SGMS2: variants seen among roughly 807,000 people sequenced by gnomAD.
The protein encoded by SGMS2 is phosphatidylcholine:ceramide cholinephosphotransferase 2.
In SGMS2, 21 loss-of-function variants were observed where a neutral mutation model predicts 43.8. The ratio of observed to expected loss-of-function variants is 0.48; its 90% CI spans 0.34 to 0.69. The LOEUF (loss-of-function observed/expected upper bound fraction) is 0.69, where lower values mean the gene tolerates loss of function less well. Ranked by LOEUF, SGMS2 falls within the 30% of genes least tolerant of loss-of-function variation. The pLI is 0.01. For synonymous variants in SGMS2, 167 were observed against 160.6 expected, an observed-to-expected ratio of 1.04 and a Z score of -0.30; for missense variants, 384 against 443.2, an observed-to-expected ratio of 0.87 and a Z score of 1.20.
chr4:107,879,519 T>G (rs1369950054), intron 2 of SGMS2, among the ~76,000 whole-genome samples: 1 of 151,698 alleles, frequency 6.6e-6, no homozygotes, highest in East Asian at 1.9e-4. Flanking sequence ...TAGAGTGCGG[T>G]GGCACCATCT....
chr4:107,853,816 CTG>C (rs1218393508), intron 1 of SGMS2, among the ~76,000 whole-genome samples: 1 of 152,104 alleles, frequency 6.6e-6, no homozygotes, highest in Non-Finnish European at 1.5e-5. Context: ...AGTTAGCAAA[CTG>C]TTAAGTCAGA....
intron 2 of SGMS2, among the ~76,000 whole-genome samples, chr4:107,880,376 G>T (rs1336105166): frequency 2.0e-5 from 3 of 152,070 alleles, no homozygotes; most frequent in Non-Finnish European, 2.9e-5. Context: ...GTAACTTTTT[G>T]GTAAGCAGTG....
intron 1 of SGMS2, among the ~76,000 whole-genome samples, chr4:107,851,818 A>G (rs1481917188): frequency 4.6e-5 from 7 of 152,206 alleles, no homozygotes; most frequent in African/African-American, 1.2e-4. Context: ...TAGTAATCAT[A>G]GTAAATATGT....
chr4:107,834,801 C>T (rs1369482831), intron 1 of SGMS2, among the ~76,000 whole-genome samples: 2 of 152,106 alleles, frequency 1.3e-5, no homozygotes, highest in African/African-American at 4.8e-5. Context: ...CTTTGGGAGG[C>T]CAAGGTGGGA....
chr4:107,842,903 C>T (rs1726604651), intron 1 of SGMS2, among the ~76,000 whole-genome samples: 1 of 152,108 alleles, frequency 6.6e-6, no homozygotes, highest in Admixed American at 6.5e-5. Flanking sequence ...AATTATGAAA[C>T]TACATTCAGA....
In SGMS2 at chr4:107,911,777, C is replaced by T. The variant is rs1732144053; in HGVS notation, c.*1224C>T. The T allele has an allele frequency of 6.6e-6, 1 of 151,566 alleles. No homozygotes were observed. Among genetic ancestry groups the T allele is most frequent in the Admixed American group, 6.6e-5 (1 of 15,170 alleles). 9.4% of individuals were successfully genotyped at this position (151,566 alleles called of 1,614,324 possible). A position where few individuals can be genotyped will look rare whatever the true frequency, so the allele number is the denominator to read the frequency against. On this transcript the variant is annotated 3_prime_UTR_variant, in exon 7 of 7. Transcript: ENST00000690982. Reference sequence around the variant, plus strand: ...ATACAGTGAAGGGGGATAACTGTTTCTAAATTTCTTTAAGGTGATGCCAAA... The same window carrying T: ...ATACAGTGAAGGGGGATAACTGTTTTTAAATTTCTTTAAGGTGATGCCAAA...
chr4:107,887,052 G>A (rs1729817460), intron 2 of SGMS2, among the ~76,000 whole-genome samples: 1 of 152,086 alleles, frequency 6.6e-6, no homozygotes, highest in Admixed American at 6.6e-5. Flanking sequence ...GGATGAGCAG[G>A]TTTTAAACAA....
intron 2 of SGMS2, chr4:107,867,024 G>T (rs899841076): frequency 6.6e-6 from 1 of 152,052 alleles, no homozygotes. Flanking sequence ...AACTTCTTTA[G>T]CCATGGAACC....
chr4:107,872,199 G>A (rs1268249347), intron 2 of SGMS2, among the ~76,000 whole-genome samples: 1 of 152,092 alleles, frequency 6.6e-6, no homozygotes, highest in African/African-American at 2.4e-5. Flanking sequence ...ATGTTCTTTT[G>A]ACTTGATGTT....
At chr4:107,851,541 C>G (rs1040173539) in intron 1 of SGMS2, among the ~76,000 whole-genome samples, 2 of 152,148 alleles carry the variant, frequency 1.3e-5, no homozygotes, top group African/African-American at 2.4e-5. Context: ...TCAGGTATAG[C>G]CATTCTGCTC....
intron 1 of SGMS2, among the ~76,000 whole-genome samples, chr4:107,840,348 T>G (rs7689370): frequency 0.04 from 6,145 of 152,244 alleles, 421 homozygotes; most frequent in African/African-American, 0.14. Flanking sequence ...GGGCTGTTTT[T>G]GGGTGGTCAG....
In SGMS2 at chr4:107,910,499, C is replaced by T. The variant is rs368007395; in HGVS notation, c.1044C>T (p.Cys348=). The T allele has an allele frequency of 9.9e-6, 16 of 1,613,924 alleles. No homozygotes were observed. Among genetic ancestry groups the T allele is most frequent in the Non-Finnish European group, 1.4e-5 (16 of 1,179,952 alleles). Residue 348 remains cysteine, a synonymous_variant, in exon 7 of 7, where the codon TGC becomes TGT. Transcript: ENST00000690982. The part of the protein sequence containing the change: ...SWPPGCFKSS[C]KKYSRVQKIG... ...CTCCTGGCTGCTTCAAATCATCATGCAAAAAGTATTCACGGGTTCAGAAGA... is the reference window on the plus strand; with the variant it reads ...CTCCTGGCTGCTTCAAATCATCATGTAAAAAGTATTCACGGGTTCAGAAGA...
intron 1 of SGMS2, among the ~76,000 whole-genome samples, chr4:107,840,765 AG>A (rs967413358): frequency 4.9e-4 from 74 of 152,208 alleles, no homozygotes; most frequent in African/African-American, 1.8e-3. Flanking sequence ...GTTATGCTCT[AG>A]GGCCAATGGG....
At chr4:107,849,730 C>T (rs1250111006) in intron 1 of SGMS2, among the ~76,000 whole-genome samples, 1 of 152,076 alleles carries the variant, frequency 6.6e-6, no homozygotes, top group East Asian at 1.9e-4. Context: ...TAGTTTTTGC[C>T]CATGGTCTTT....
intron 2 of SGMS2, among the ~76,000 whole-genome samples, chr4:107,871,272 C>T (rs1028639467): frequency 1.9e-4 from 29 of 152,118 alleles, no homozygotes; most frequent in African/African-American, 6.0e-4. Context: ...ATACCCTAGA[C>T]GTTTTAAAAA....
chr4:107,879,920 C>T (rs1256481931), intron 2 of SGMS2, among the ~76,000 whole-genome samples: 1 of 152,100 alleles, frequency 6.6e-6, no homozygotes, highest in Non-Finnish European at 1.5e-5. Context: ...AACTTCCAGC[C>T]CACTTGCAGT....
intron 1 of SGMS2, among the ~76,000 whole-genome samples, chr4:107,833,663 A>T (rs368011790): frequency 1.5e-3 from 224 of 152,268 alleles, no homozygotes; most frequent in African/African-American, 5.2e-3. Context: ...AATCCAAAAG[A>T]CTTCTGGTCC....
At chr4:107,905,037 C>G (rs1578662204) in intron 5 of SGMS2, among the ~76,000 whole-genome samples, 2 of 151,986 alleles carry the variant, frequency 1.3e-5, no homozygotes, top group African/African-American at 4.8e-5. Flanking sequence ...TAAAAACACC[C>G]CCAGGAAACT....
intron 1 of SGMS2, among the ~76,000 whole-genome samples, chr4:107,826,801 A>G (rs534620798): frequency 6.6e-6 from 1 of 152,238 alleles, no homozygotes; most frequent in African/African-American, 2.4e-5. Flanking sequence ...GCAGAATCTC[A>G]TAAAAGCCCT....
Sources: allele counts gnomAD v4.1 joint callset (sites outside exome capture counted in the v4.1 genomes callset), GRCh38; gene constraint gnomAD v4.1.1; transcripts MANE v1.5; gene names NCBI Gene and HGNC (gene_info 2026-07-23, HGNC 2026-07-21).